Variants in GRM4 observed in about 807,000 individuals in gnomAD.
The protein encoded by GRM4 is metabotropic glutamate receptor 4.
In GRM4, 28 loss-of-function variants were observed where a neutral mutation model predicts 81.7. The ratio of observed to expected loss-of-function variants is 0.34; its 90% CI spans 0.25 to 0.47. GRM4 has a LOEUF of 0.47. Among genes scored for constraint, GRM4 ranks in the 20% least tolerant of loss-of-function variants. The pLI, the probability that GRM4 is intolerant of heterozygous loss-of-function variation, is 1.00. For missense variants in GRM4, 948 were observed against 1,290.0 expected (o/e 0.73, Z 4.06); for synonymous variants, 488 against 528.8 (o/e 0.92, Z 1.06).
intron 6 of GRM4, among the ~76,000 whole-genome samples, chr6:34,046,712 C>T (rs1185268416): frequency 6.6e-6 from 1 of 152,186 alleles, no homozygotes; most frequent in Non-Finnish European, 1.5e-5. Context: ...GCAGCGATAG[C>T]ATCTGCTAAA....
rs976131746 is a variant in GRM4 at position 34,022,014 on chromosome 6, C to T, written c.*807G>A. ...GCGGGCAAGACAGACGGCAGACGGGCGGGGCAGGCGGGCAAGACACACGGC... is the reference window on the plus strand; with the variant it reads ...GCGGGCAAGACAGACGGCAGACGGGTGGGGCAGGCGGGCAAGACACACGGC... On this transcript the variant is annotated 3_prime_UTR_variant, in exon 11 of 11. Transcript: ENST00000538487. The surrounding 1 kb of genome is among the most constrained non-coding windows in gnomAD (Gnocchi z 5.6). 24 of 150,884 alleles carry T rather than the reference C, an allele frequency of 1.6e-4. No individual in the cohort carries two copies. The highest frequency in any genetic ancestry group is 1.3e-4 in the Admixed American group (2 of 15,036). The allele number at this position is 150,884 out of a possible 1,614,324, so 9.3% of individuals were successfully genotyped here.
chr6:34,134,760 C>T (rs1382799845), intron 1 of GRM4, among the ~76,000 whole-genome samples: 1 of 151,574 alleles, frequency 6.6e-6, no homozygotes, highest in African/African-American at 2.4e-5. Flanking sequence ...GAGCGGGGCT[C>T]GGGTTATGGC....
At chr6:34,107,472 C>CCA (rs1364633255) in intron 2 of GRM4, among the ~76,000 whole-genome samples, 1 of 152,162 alleles carries the variant, frequency 6.6e-6, no homozygotes, top group Admixed American at 6.5e-5. Context: ...CTCACCGGAC[C>CCA]CACACACGAA....
rs765547303 is a variant in GRM4 at position 34,022,785 on chromosome 6, C to T, written c.*36G>A. Reference sequence around the variant, plus strand: ...GCCCGACGCACCTTCCACAGGGTCACGGCTCCTCCTCCTGCTGCTCAGCTC... The same window carrying T: ...GCCCGACGCACCTTCCACAGGGTCATGGCTCCTCCTCCTGCTGCTCAGCTC... On this transcript the variant is annotated 3_prime_UTR_variant, in exon 11 of 11. Transcript: ENST00000538487. This position sits in a 1 kb window ranked among gnomAD's most constrained non-coding sequence, Gnocchi z 5.6. 11 of 1,592,466 alleles carry T rather than the reference C, an allele frequency of 6.9e-6. No individual in the cohort carries two copies. Among genetic ancestry groups the T allele is most frequent in the Middle Eastern group, 1.7e-4 (1 of 6,014 alleles).
chr6:34,023,252 T>A (rs1317234953), intron 10 of GRM4, among the ~76,000 whole-genome samples: 2 of 152,360 alleles, frequency 1.3e-5, no homozygotes, highest in Middle Eastern at 3.4e-3. Context: ...CCCTGCCACC[T>A]CCTAATTCTA....
At chr6:34,071,611 ACCCATACATCAC>A (rs1766867026) in intron 3 of GRM4, among the ~76,000 whole-genome samples, 1 of 54,188 alleles carries the variant, frequency 1.8e-5, no homozygotes, top group African/African-American at 1.9e-4. Flanking sequence ...TACCACACAC[ACCCATACATCAC>A]CACACAGATA....
rs1210047195 is a variant in GRM4, at chr6:34,019,041, C to T, written c.*3780G>A. On this transcript the variant is annotated 3_prime_UTR_variant, in exon 11 of 11. Transcript: ENST00000538487. ...GGCGCCCAGCCTTATGCAGGCTCAGCATCTTCTCAGGGGCTCCCCAGGACC... is the reference window on the plus strand; with the variant it reads ...GGCGCCCAGCCTTATGCAGGCTCAGTATCTTCTCAGGGGCTCCCCAGGACC... 6.6e-6 allele frequency: 1 copy of T among 152,324 alleles called. No individual in the cohort carries two copies. The highest frequency in any genetic ancestry group is 6.6e-5 in the Admixed American group (1 of 15,252). The allele number at this position is 152,324 out of a possible 1,614,324, so 9.4% of individuals were successfully genotyped here.
chr6:34,059,570 G>C lies in GRM4; in HGVS notation c.873-442C>G, dbSNP rs772770084. ...CACACGCATCCACCATCACACAACC[G>C]CCGCCCTCACCCCTCTGCACATGCT... On this transcript the variant is annotated intron_variant, in intron 4 of 10. Transcript: ENST00000538487. The surrounding 1 kb of genome is among the most constrained non-coding windows in gnomAD (Gnocchi z 5.7). 2 of 197,744 alleles carry C rather than the reference G, an allele frequency of 1.0e-5. No homozygotes were observed. The highest frequency in any genetic ancestry group is 2.3e-5 in the African/African-American group (1 of 42,804). 12.2% of individuals were successfully genotyped at this position (197,744 alleles called of 1,614,324 possible).
chr6:34,154,299 C>T (rs1373543907), intron 1 of GRM4, among the ~76,000 whole-genome samples: 2 of 152,236 alleles, frequency 1.3e-5, no homozygotes, highest in African/African-American at 4.8e-5. Flanking sequence ...GACCCCAGCC[C>T]AGCCCAGCCC....
chr6:34,044,783 C>T (rs1372042615), intron 6 of GRM4, among the ~76,000 whole-genome samples: 1 of 146,812 alleles, frequency 6.8e-6, no homozygotes, highest in African/African-American at 2.5e-5. Context: ...TACACATACA[C>T]ACACAGACAT....
chr6:34,123,345 C>T (rs1206879406), intron 2 of GRM4, among the ~76,000 whole-genome samples: 1 of 152,192 alleles, frequency 6.6e-6, no homozygotes, highest in African/African-American at 2.4e-5. Context: ...TGATGTGCCC[C>T]TCCCCATCAC....
In GRM4 at chr6:34,022,848, G is replaced by A. The variant is rs45558337; in HGVS notation, c.2712C>T (p.Tyr904=). ...EAPALATKQT[Y]VTYTNHAI ...AGATTGCATGGTTGGTGTAAGTGAC[G>A]TAAGTCTGTTTGGTGGCCAGCGCTG... The change falls in exon 11 of 11, where the codon TAC becomes TAT. Residue 904 remains tyrosine (Y), a synonymous_variant. Coordinates refer to ENST00000538487, the MANE Select transcript of GRM4 (RefSeq NM_000841.4). The surrounding 1 kb of genome is among the most constrained non-coding windows in gnomAD (Gnocchi z 5.6). 6.2e-3 allele frequency: 9,946 copies of A among 1,613,898 alleles called. 37 individuals carry two copies. Among genetic ancestry groups the A allele is most frequent in the Non-Finnish European group, 6.8e-3 (7,983 of 1,179,740 alleles).
chr6:34,136,563 G>GACACACACACACACACACAC lies in GRM4; in HGVS notation c.-363-2724_-363-2705dup, dbSNP rs10635207. Among the ~76,000 whole-genome samples the GACACACACACACACACACAC allele has an allele frequency of 6.0e-4, 85 of 142,530 alleles. No individual in the cohort carries two copies. Among genetic ancestry groups the GACACACACACACACACACAC allele is most frequent in the Middle Eastern group, 3.6e-3 (1 of 280 alleles). 93.5% of individuals were successfully genotyped at this position (142,530 alleles called of 152,430 possible). A position where few individuals can be genotyped will look rare whatever the true frequency, so the allele number is the denominator to read the frequency against. ...GCTGAGCAGTGCATGCGCGCGTGCG[G>GACACACACACACACACACAC]ACACACACACACACACACACACACA... On this transcript the variant is annotated intron_variant, in intron 1 of 10. Transcript: ENST00000538487. The surrounding 1 kb of genome is among the most constrained non-coding windows in gnomAD (Gnocchi z 4.1).
intron 3 of GRM4, among the ~76,000 whole-genome samples, chr6:34,077,064 C>T (rs77946409): frequency 0.059 from 8,955 of 152,090 alleles, 611 homozygotes; most frequent in African/African-American, 0.16. Context: ...TTTTTCTCAA[C>T]AGACATTTGG....
chr6:34,056,598 A>T lies in GRM4; in HGVS notation c.1114T>A (p.Cys372Ser). Residue 372 changes from cysteine (C) to serine (S), a missense_variant, in exon 6 of 11, where the codon TGC becomes AGC. Coordinates refer to ENST00000538487, the MANE Select transcript of GRM4 (RefSeq NM_000841.4). ...FAEFWEDNFHCKLSRHALKKG... is the reference protein window; with the variant it reads ...FAEFWEDNFHSKLSRHALKKG... ...TTGAGGGCGTGGCGGCTCAGCTTGCAGTGGAAGTTGTCCTCCCAGAACTCG... is the reference window on the plus strand; with the variant it reads ...TTGAGGGCGTGGCGGCTCAGCTTGCTGTGGAAGTTGTCCTCCCAGAACTCG... The T allele has an allele frequency of 6.2e-7, 1 of 1,613,486 alleles. No individual in the cohort carries two copies. Among genetic ancestry groups the T allele is most frequent in the Non-Finnish European group, 8.5e-7 (1 of 1,179,934 alleles).
rs1483902733 is a variant in GRM4 at position 34,040,301 on chromosome 6, G to C, written c.1383C>G (p.Asn461Lys). 13 of 1,614,036 alleles carry C rather than the reference G, an allele frequency of 8.1e-6. No homozygotes were observed. The highest frequency in any genetic ancestry group is 9.3e-6 in the Non-Finnish European group (11 of 1,180,016). ...RNVNFSGIAG[N>K]PVTFNENGDA... is the part of the protein sequence containing the mutation. ...CTCCATTCTCATTGAAGGTCACAGG[G>C]TTCCCTGCGATGCCTGTAAGGGTGG... is the stretch of plus-strand genomic sequence containing the variant. The change falls in exon 8 of 11, where the codon AAC becomes AAG. Residue 461 changes from asparagine (N) to lysine (K), a missense_variant. Physicochemically the swap from Asn to Lys is moderately conservative, Grantham distance 94. Transcript: ENST00000538487.
chr6:34,027,774 G>A (rs1184455418), intron 10 of GRM4, among the ~76,000 whole-genome samples: 1 of 152,210 alleles, frequency 6.6e-6, no homozygotes, highest in Non-Finnish European at 1.5e-5. Flanking sequence ...AAATCCCGGG[G>A]TCCCCGCTCA....
rs182834289 is a variant in GRM4 at position 34,022,337 on chromosome 6, G to A, written c.*484C>T. The stretch of plus-strand genomic sequence containing the variant: ...AGCAGGAGGAGCTGAGGACAAAGAG[G>A]ATGAGAGAGAGAGGCGGAGGCAAGA... On this transcript the variant is annotated 3_prime_UTR_variant, in exon 11 of 11. Coordinates refer to ENST00000538487, the MANE Select transcript of GRM4 (RefSeq NM_000841.4). This position sits in a 1 kb window ranked among gnomAD's most constrained non-coding sequence, Gnocchi z 5.6. 245 of 173,586 alleles carry A rather than the reference G, an allele frequency of 1.4e-3. 7 individuals are homozygous for A. Among genetic ancestry groups the A allele is most frequent in the Admixed American group, 0.013 (228 of 17,252 alleles). The allele number at this position is 173,586 out of a possible 1,614,324, so 10.8% of individuals were successfully genotyped here. A position where few individuals can be genotyped will look rare whatever the true frequency, so the allele number is the denominator to read the frequency against.
Position 34,109,764 on chromosome 6 carries a change from G to C in GRM4, c.520-17665C>G, listed in dbSNP as rs532533599. On this transcript the variant is annotated intron_variant, in intron 2 of 10. Coordinates refer to ENST00000538487, the MANE Select transcript of GRM4 (RefSeq NM_000841.4). Reference sequence around the variant, plus strand: ...CAACAGGCAGCTCACCACTTCACACGGTAGTCAATTCCAGCACCTGCGGCT... The same window carrying C: ...CAACAGGCAGCTCACCACTTCACACCGTAGTCAATTCCAGCACCTGCGGCT... Among the ~76,000 whole-genome samples, 4 of 152,168 alleles carry C rather than the reference G, an allele frequency of 2.6e-5. No homozygotes were observed. The South Asian group carries it at 8.3e-4, about 32-fold the overall frequency.
Sources: allele counts gnomAD v4.1 joint callset (sites outside exome capture counted in the v4.1 genomes callset), GRCh38; gene constraint gnomAD v4.1.1; non-coding constraint Gnocchi (gnomAD v3.1); transcripts MANE v1.5; gene names NCBI Gene and HGNC (gene_info 2026-07-23, HGNC 2026-07-21).